Variants in SOX5 observed in about 807,000 individuals in gnomAD.
The protein encoded by SOX5 is transcription factor SOX-5.
In SOX5, 9 loss-of-function variants were observed where a neutral mutation model predicts 92.0. The observed-to-expected ratio is 0.10, with a 90% CI of 0.06 to 0.17. The LOEUF (loss-of-function observed/expected upper bound fraction) is 0.17, where lower values mean the gene tolerates loss of function less well. Ranked by LOEUF, SOX5 falls within the 10% of genes least tolerant of loss-of-function variation. The probability of loss-of-function intolerance (pLI) is 1.00; values close to 1 mark genes in which losing one functional copy is unlikely to be tolerated. For missense variants in SOX5, 642 were observed against 944.5 expected (o/e 0.68, Z 4.20); for synonymous variants, 344 against 336.3 (o/e 1.02, Z -0.25).
chr12:24,331,668 T>C (rs1171043406), intron 2 of SOX5, among the ~76,000 whole-genome samples: 2 of 151,672 alleles, frequency 1.3e-5, no homozygotes, highest in African/African-American at 4.8e-5. Context: ...GCCAACATCA[T>C]GAAACCCCAC....
At chr12:23,982,585 T>C (rs1219929344) in intron 4 of SOX5, among the ~76,000 whole-genome samples, 1 of 152,164 alleles carries the variant, frequency 6.6e-6, no homozygotes, top group Non-Finnish European at 1.5e-5. Flanking sequence ...AGATTCCTTG[T>C]AGTGGTCACT....
rs1323345921 is a variant in SOX5 at position 23,845,156 on chromosome 12, A to G, written c.481+827T>C. Among the ~76,000 whole-genome samples the G allele has an allele frequency of 2.6e-5, 4 of 152,192 alleles. No individual in the cohort carries two copies. In the South Asian group the frequency reaches 8.3e-4, roughly 31 times the overall value. On this transcript the variant is annotated intron_variant, in intron 3 of 14. Transcript: ENST00000451604. ...TTGTTACACGGTATACACGCAGTGTATTTTTGTTATAAAGTATGTCTGCAC... is the reference window on the plus strand; with the variant it reads ...TTGTTACACGGTATACACGCAGTGTGTTTTTGTTATAAAGTATGTCTGCAC...
chr12:23,777,943 G>A (rs920195197), intron 3 of SOX5, among the ~76,000 whole-genome samples: 1 of 152,194 alleles, frequency 6.6e-6, no homozygotes, highest in Non-Finnish European at 1.5e-5. Context: ...TGTGCCAAGA[G>A]TGGGTTTGTG....
chr12:24,012,537 T>C (rs2133345), intron 4 of SOX5, among the ~76,000 whole-genome samples: 121,229 of 152,098 alleles, frequency 0.8, 48,494 homozygotes, highest in East Asian at 0.93. Flanking sequence ...GTGATCAATC[T>C]TTGAATATCT....
intron 9 of SOX5, among the ~76,000 whole-genome samples, chr12:23,581,761 C>T (rs1950068099): frequency 6.6e-6 from 1 of 151,872 alleles, no homozygotes; most frequent in African/African-American, 2.4e-5. Context: ...TATTTAAAAC[C>T]TAGGTATAGA....
chr12:23,625,570 A>T (rs1221874660), intron 8 of SOX5, among the ~76,000 whole-genome samples: 1 of 152,086 alleles, frequency 6.6e-6, no homozygotes, highest in African/African-American at 2.4e-5. Flanking sequence ...TCACATATGG[A>T]TTACTAACAG....
At chr12:24,350,408 G>C (rs555896535) in intron 2 of SOX5, among the ~76,000 whole-genome samples, 1 of 152,154 alleles carries the variant, frequency 6.6e-6, no homozygotes, top group African/African-American at 2.4e-5. Context: ...TGGAGTGCAC[G>C]ATCACAGCTC....
At chr12:24,321,566 T>C (rs535956641) in intron 2 of SOX5, among the ~76,000 whole-genome samples, 2 of 152,310 alleles carry the variant, frequency 1.3e-5, no homozygotes, top group South Asian at 4.1e-4. Flanking sequence ...AGCCCATGAA[T>C]ATCACATACT....
In SOX5 at chr12:23,741,050, T is replaced by C. The variant is rs771079007; in HGVS notation, c.569-11A>G. The C allele has an allele frequency of 1.9e-6, 3 of 1,569,520 alleles. No homozygotes were observed. The highest frequency in any genetic ancestry group is 2.6e-6 in the Non-Finnish European group (3 of 1,153,062). ...AGCTCTCGGGAGTCCCTACAAATCA[T>C]ATAGCAATAAAACAGACAAAATAAA... On this transcript the variant is annotated splice_polypyrimidine_tract_variant and intron_variant, in intron 4 of 14. Transcript: ENST00000451604.
At chr12:23,804,428 T>C (rs2095719404) in intron 3 of SOX5, among the ~76,000 whole-genome samples, 4 of 152,046 alleles carry the variant, frequency 2.6e-5, no homozygotes, top group Admixed American at 2.6e-4. Flanking sequence ...GAATAGGCAA[T>C]GAGAAAAATG....
intron 4 of SOX5, among the ~76,000 whole-genome samples, chr12:24,022,729 C>T (rs1005853682): frequency 2.6e-5 from 4 of 151,994 alleles, no homozygotes; most frequent in African/African-American, 7.2e-5. Flanking sequence ...CTGAAGAGGA[C>T]GGTCCTCTTA....
chr12:23,589,900 T>C (rs950931708), intron 9 of SOX5, among the ~76,000 whole-genome samples: 1 of 152,014 alleles, frequency 6.6e-6, no homozygotes, highest in African/African-American at 2.4e-5. Flanking sequence ...ATGATTAAGC[T>C]ATAATCCCTA....
At chr12:24,534,235 G>T (rs1167997932) in intron 1 of SOX5, among the ~76,000 whole-genome samples, 1 of 151,696 alleles carries the variant, frequency 6.6e-6, no homozygotes, top group Non-Finnish European at 1.5e-5. Context: ...TGCAGTTGAG[G>T]GTTTCATGTT....
intron 4 of SOX5, among the ~76,000 whole-genome samples, chr12:24,053,241 C>A (rs1304036515): frequency 6.7e-6 from 1 of 149,794 alleles, no homozygotes; most frequent in Non-Finnish European, 1.5e-5. Context: ...GATTCTTCTG[C>A]CTCAGCCTCC....
At chr12:23,703,467 G>T (rs149237947) in intron 6 of SOX5, among the ~76,000 whole-genome samples, 45 of 151,968 alleles carry the variant, frequency 3.0e-4, no homozygotes, top group African/African-American at 1.1e-3. Context: ...TGTGAAAGTT[G>T]CTTACAAACA....
intron 4 of SOX5, among the ~76,000 whole-genome samples, chr12:24,010,483 GC>G (rs1438390128): frequency 3.2e-4 from 49 of 152,336 alleles, no homozygotes; most frequent in African/African-American, 1.1e-3. Context: ...ATAGGAGGTA[GC>G]AGTTGCTTTG....
chr12:23,741,549 G>A (rs2141007709), intron 4 of SOX5, among the ~76,000 whole-genome samples: 1 of 152,044 alleles, frequency 6.6e-6, no homozygotes, highest in Middle Eastern at 3.4e-3. Flanking sequence ...AAGAGGTCAA[G>A]GCATTAGTAT....
intron 2 of SOX5, among the ~76,000 whole-genome samples, chr12:24,296,010 T>C (rs1474814939): frequency 6.6e-6 from 1 of 152,218 alleles, no homozygotes; most frequent in East Asian, 1.9e-4. Flanking sequence ...CCCAGTGCAT[T>C]ATTTTAGAAT....
At position 24,123,134 on chromosome 12, in the gene SOX5, G is replaced by T. The variant is rs139488345; in HGVS notation, c.-2+90209C>A. Among the ~76,000 whole-genome samples, 781 of 152,338 alleles carry T rather than the reference G, an allele frequency of 5.1e-3. 4 individuals carry two copies. Among genetic ancestry groups the T allele is most frequent in the Non-Finnish European group, 8.0e-3 (546 of 68,038 alleles). On this transcript the variant is annotated intron_variant, in intron 4 of 4. Transcript: ENST00000446891. ...TATATGGACACCTCCTCTGATACAT[G>T]CATGATCTTCAGAGGAACTTCCTCA...
Sources: gnomAD v4.1 joint callset for allele counts (sites outside exome capture counted in the v4.1 genomes callset) on GRCh38, gnomAD v4.1.1 for gene constraint, MANE v1.5 for transcripts, NCBI Gene and HGNC (gene_info 2026-07-23, HGNC 2026-07-21) for gene names.